ELF1: variants seen among roughly 807,000 people sequenced by gnomAD.
ELF1 encodes ETS-related transcription factor Elf-1.
A neutral mutation model predicts 59.9 loss-of-function variants in ELF1; 24 were observed. The observed-to-expected ratio is 0.40, with a 90% CI of 0.29 to 0.56. ELF1 has a LOEUF of 0.56. Among genes scored for constraint, ELF1 ranks in the 20% least tolerant of loss-of-function variants. ELF1 has a pLI of 0.44. For missense variants in ELF1, 627 were observed against 742.2 expected, an observed-to-expected ratio of 0.84 and a Z score of 1.80; for synonymous variants, 248 against 266.2, an observed-to-expected ratio of 0.93 and a Z score of 0.67.
In ELF1 at chr13:40,955,917, G is replaced by A. The variant is rs938440779; in HGVS notation, c.253+2919C>T. On this transcript the variant is annotated intron_variant, in intron 3 of 8. Transcript: ENST00000239882. ...AGGGAGGCGGGGAGGTCAGCCCCCC[G>A]CCCGGCCAGCCGCCCCGTCCGGGAG... 4.7e-5 allele frequency among the ~76,000 whole-genome samples: 5 copies of A among 107,088 alleles called. No individual in the cohort carries two copies. The East Asian group carries it at 1.6e-3, about 35-fold the overall frequency. The allele number at this position is 107,088 out of a possible 152,430, so 70.3% of individuals were successfully genotyped here.
intron 1 of ELF1, among the ~76,000 whole-genome samples, chr13:41,054,638 T>C (rs562428110): frequency 6.6e-6 from 1 of 152,334 alleles, no homozygotes; most frequent in East Asian, 1.9e-4. Flanking sequence ...ATCTGTTGTA[T>C]CTGATCCTTT....
chr13:40,945,073 C>T (rs1258632024), intron 5 of ELF1, among the ~76,000 whole-genome samples: 2 of 152,196 alleles, frequency 1.3e-5, no homozygotes, highest in Non-Finnish European at 2.9e-5. Context: ...CTGCAGAGAA[C>T]CCTTCATGAG....
At chr13:41,018,940 TAAAAAC>T (rs1184037016) in intron 1 of ELF1, among the ~76,000 whole-genome samples, 1 of 152,306 alleles carries the variant, frequency 6.6e-6, no homozygotes, top group East Asian at 1.9e-4. Flanking sequence ...TTGTGGTACT[TAAAAAC>T]AAATAAACAA....
intron 2 of ELF1, among the ~76,000 whole-genome samples, chr13:40,981,171 T>C (rs184586087): frequency 2.6e-5 from 4 of 152,220 alleles, no homozygotes; most frequent in African/African-American, 9.6e-5. Flanking sequence ...ATAAATCAAC[T>C]TTAGGTTGGT....
intron 4 of ELF1, 55 bp from the exon 5 acceptor site, chr13:40,950,028 AC>A: frequency 7.1e-7 from 1 of 1,410,340 alleles, no homozygotes; most frequent in Non-Finnish European, 9.5e-7. Flanking sequence ...AAGTTAAAAA[AC>A]GATTGAGAAA....
chr13:40,951,395 T>C lies in ELF1; in HGVS notation c.295A>G (p.Ile99Val), dbSNP rs779598668. 1 of 1,613,930 alleles carries C rather than the reference T, an allele frequency of 6.2e-7. No individual in the cohort carries two copies. Among genetic ancestry groups the C allele is most frequent in the South Asian group, 1.1e-5 (1 of 91,054 alleles). The change falls in exon 4 of 9, where the codon ATT (isoleucine) becomes GTT (valine). Residue 99 changes from isoleucine to valine, a missense_variant. By Grantham distance (29) the Ile-to-Val change is conservative. Coordinates refer to ENST00000239882, the MANE Select transcript of ELF1 (RefSeq NM_172373.4). The stretch of plus-strand genomic sequence containing the variant: ...TTGAGGAGTGCCTCAGCAGCCTCAA[T>C]AGTTTCAATTGTTTCATCCCCGTCA... ...CHDGDETIET[I>V]EAAEALLNMD...
chr13:40,940,409 A>C (rs5008497), intron 8 of ELF1, among the ~76,000 whole-genome samples: 78,437 of 146,644 alleles, frequency 0.53, 25,193 homozygotes, highest in Non-Finnish European at 0.68. Context: ...AAAAAAAAAA[A>C]AAAAAAAAAC....
exon 1 of ELF1, chr13:41,061,220 G>C (rs1593421139): frequency 4.4e-6 from 1 of 228,514 alleles, no homozygotes; most frequent in East Asian, 1.0e-4. Context: ...ACAGCTGTTT[G>C]CGTTCCGGGC....
rs75206909 is a variant in ELF1 at position 41,002,262 on chromosome 13, C to T, written c.-229+16966G>A. Reference sequence around the variant, plus strand: ...GTGTACTGGGATTTTTAAAAACATCCCCTTTATAAATAGAAATACCTGGAG... The same window carrying T: ...GTGTACTGGGATTTTTAAAAACATCTCCTTTATAAATAGAAATACCTGGAG... On this transcript the variant is annotated intron_variant, in intron 1 of 8. Transcript: ENST00000239882. 3.5e-4 allele frequency among the ~76,000 whole-genome samples: 53 copies of T among 152,088 alleles called. No individual in the cohort carries two copies. In the East Asian group the frequency reaches 9.5e-3, roughly 27 times the overall value.
intron 1 of ELF1, among the ~76,000 whole-genome samples, chr13:40,990,526 TC>T (rs1873786397): frequency 1.3e-5 from 2 of 152,218 alleles, no homozygotes; most frequent in African/African-American, 4.8e-5. Context: ...AGTGTAAATG[TC>T]CAGAAATTTT....
At chr13:40,992,083 G>T (rs1873884291) in intron 1 of ELF1, among the ~76,000 whole-genome samples, 1 of 152,150 alleles carries the variant, frequency 6.6e-6, no homozygotes, top group Non-Finnish European at 1.5e-5. Context: ...TTGTGTTGAA[G>T]AACTCTGATA....
intron 1 of ELF1, among the ~76,000 whole-genome samples, chr13:41,000,765 G>C (rs548666670): frequency 1.3e-5 from 2 of 152,032 alleles, no homozygotes; most frequent in Non-Finnish European, 2.9e-5. Context: ...AACATGTACA[G>C]TATACTGCTT....
chr13:41,017,799 A>G (rs1443441589), intron 1 of ELF1, among the ~76,000 whole-genome samples: 6 of 152,160 alleles, frequency 3.9e-5, no homozygotes, highest in Non-Finnish European at 8.8e-5. Context: ...AAAAGTTAAA[A>G]AAAAAAATAG....
At chr13:40,963,345 C>G (rs1871964196) in intron 2 of ELF1, among the ~76,000 whole-genome samples, 1 of 152,172 alleles carries the variant, frequency 6.6e-6, no homozygotes, top group African/African-American at 2.4e-5. Context: ...CTATTATTTC[C>G]AAGGCTTCAC....
At chr13:41,015,107 G>A (rs1875280272) in intron 1 of ELF1, among the ~76,000 whole-genome samples, 1 of 152,108 alleles carries the variant, frequency 6.6e-6, no homozygotes, top group South Asian at 2.1e-4. Flanking sequence ...CAGTAAGGGG[G>A]TGTTTTTCCT....
intron 1 of ELF1, among the ~76,000 whole-genome samples, chr13:41,028,614 C>T (rs1408092813): frequency 6.6e-6 from 1 of 152,212 alleles, no homozygotes; most frequent in African/African-American, 2.4e-5. Context: ...GTTCAGAATA[C>T]ATTTGTGTGT....
chr13:40,936,428 A>C (rs1341612353), intron 8 of ELF1, among the ~76,000 whole-genome samples: 1 of 152,096 alleles, frequency 6.6e-6, no homozygotes, highest in Non-Finnish European at 1.5e-5. Context: ...TACCACTAGG[A>C]CTTCGCTGCT....
chr13:40,941,447 TA>T, intron 7 of ELF1, 77 bp from the exon 8 acceptor site: 1 of 1,345,926 alleles, frequency 7.4e-7, no homozygotes, highest in South Asian at 1.5e-5. Flanking sequence ...TCCCTAATCA[TA>T]AACAAAACTT....
chr13:40,954,485 C>T (rs1363367793), intron 3 of ELF1, among the ~76,000 whole-genome samples: 1 of 150,400 alleles, frequency 6.6e-6, no homozygotes, highest in Non-Finnish European at 1.5e-5. Flanking sequence ...CCACGGTCTC[C>T]CCCTGATGCC....
Sources: gnomAD v4.1 joint callset for allele counts (sites outside exome capture counted in the v4.1 genomes callset) on GRCh38, gnomAD v4.1.1 for gene constraint, MANE v1.5 for transcripts, NCBI Gene and HGNC (gene_info 2026-07-23, HGNC 2026-07-21) for gene names.